PCDH9: variants seen among roughly 807,000 people sequenced by gnomAD.
PCDH9 encodes the protein protocadherin-9.
In PCDH9, 24 loss-of-function variants were observed where a neutral mutation model predicts 70.6. The observed-to-expected ratio is 0.34, with a 90% CI of 0.25 to 0.48. The LOEUF (loss-of-function observed/expected upper bound fraction) is 0.48, where lower values mean the gene tolerates loss of function less well. Among genes scored for constraint, PCDH9 ranks in the 20% least tolerant of loss-of-function variants. The pLI is 0.99. For synonymous variants in PCDH9, 562 were observed against 558.5 expected, an observed-to-expected ratio of 1.01 and a Z score of -0.09; for missense variants, 1,281 against 1,503.6, an observed-to-expected ratio of 0.85 and a Z score of 2.45.
intron 2 of PCDH9, among the ~76,000 whole-genome samples, chr13:67,032,983 CCT>C (rs1491553629): frequency 7.3e-6 from 1 of 136,244 alleles, no homozygotes; most frequent in Non-Finnish European, 1.6e-5. Context: ...TCTAATTTGT[CCT>C]TTTTTTTTTC....
chr13:67,093,076 C>T (rs117572812), intron 2 of PCDH9, among the ~76,000 whole-genome samples: 2,685 of 152,134 alleles, frequency 0.018, 56 homozygotes, highest in Middle Eastern at 0.061. Flanking sequence ...CACTTGTTGC[C>T]GTCTGAAACT....
intron 3 of PCDH9, among the ~76,000 whole-genome samples, chr13:66,853,813 AAT>A (rs1412898502): frequency 2.0e-5 from 3 of 152,018 alleles, no homozygotes; most frequent in Non-Finnish European, 4.4e-5. Flanking sequence ...GGGCTCAAGC[AAT>A]CAACATGCCT....
At chr13:66,913,772 T>A (rs1240941306) in intron 2 of PCDH9, among the ~76,000 whole-genome samples, 1 of 152,072 alleles carries the variant, frequency 6.6e-6, no homozygotes, top group Non-Finnish European at 1.5e-5. Flanking sequence ...TTAAAGGGAC[T>A]GTAGGAAAGA....
chr13:66,500,990 C>A (rs1032197476), intron 4 of PCDH9, among the ~76,000 whole-genome samples: 1 of 152,060 alleles, frequency 6.6e-6, no homozygotes, highest in East Asian at 1.9e-4. Context: ...ATGATTCACA[C>A]ATCCAAGAAC....
At chr13:66,571,603 C>T (rs572707916) in intron 4 of PCDH9, among the ~76,000 whole-genome samples, 1 of 151,960 alleles carries the variant, frequency 6.6e-6, no homozygotes, top group Non-Finnish European at 1.5e-5. Context: ...CTACCATCCT[C>T]ATTATCGCTT....
intron 4 of PCDH9, among the ~76,000 whole-genome samples, chr13:66,379,562 A>G (rs1956806832): frequency 1.3e-5 from 2 of 152,196 alleles, no homozygotes; most frequent in Non-Finnish European, 2.9e-5. Flanking sequence ...TGCATAAATA[A>G]ATGAAACAAA....
At chr13:66,758,511 A>C (rs1236663432) in intron 3 of PCDH9, among the ~76,000 whole-genome samples, 1 of 152,082 alleles carries the variant, frequency 6.6e-6, no homozygotes, top group Non-Finnish European at 1.5e-5. Context: ...TGTAATGAAT[A>C]GAACATTCCT....
chr13:66,445,484 AAATATATACACATATAT>A (rs1333429982), intron 4 of PCDH9, among the ~76,000 whole-genome samples: 2 of 140,222 alleles, frequency 1.4e-5, no homozygotes, highest in African/African-American at 2.8e-5. Flanking sequence ...TATACACATA[AAATATATACACATATAT>A]AATATATACA....
chr13:67,153,573 G>A lies in PCDH9; in HGVS notation c.3036+71832C>T, dbSNP rs139680937. ...GATTATGAGCCTCTCACCTAGAAAC[G>A]TCTGTTTCATAACATCTATGGATGT... On this transcript the variant is annotated intron_variant, in intron 2 of 4. Transcript: ENST00000377865. 6.2e-3 allele frequency among the ~76,000 whole-genome samples: 938 copies of A among 152,228 alleles called. 3 individuals are homozygous for A. The highest frequency in any genetic ancestry group is 6.3e-3 in the Non-Finnish European group (430 of 68,018).
At chr13:66,375,956 A>C (rs907247198) in intron 4 of PCDH9, among the ~76,000 whole-genome samples, 1 of 152,130 alleles carries the variant, frequency 6.6e-6, no homozygotes, top group African/African-American at 2.4e-5. Context: ...TCTAATAAGA[A>C]ACAGATGTTC....
At chr13:67,039,024 T>C (rs1449883119) in intron 2 of PCDH9, among the ~76,000 whole-genome samples, 1 of 152,180 alleles carries the variant, frequency 6.6e-6, no homozygotes, top group Non-Finnish European at 1.5e-5. Flanking sequence ...ATTAATTATA[T>C]ATTATGCCTA....
chr13:66,887,893 C>G (rs553697490), intron 3 of PCDH9, among the ~76,000 whole-genome samples: 82 of 152,208 alleles, frequency 5.4e-4, no homozygotes, highest in African/African-American at 2.0e-3. Context: ...ACCTAAAAGT[C>G]ATAATATTGC....
intron 3 of PCDH9, among the ~76,000 whole-genome samples, chr13:66,710,504 A>G (rs1385538484): frequency 6.6e-6 from 1 of 152,192 alleles, no homozygotes; most frequent in Non-Finnish European, 1.5e-5. Context: ...CACCTAAAGC[A>G]TATTCTGTTC....
chr13:66,577,911 T>A (rs529208604), intron 4 of PCDH9, among the ~76,000 whole-genome samples: 227 of 152,174 alleles, frequency 1.5e-3, no homozygotes, highest in Non-Finnish European at 2.6e-3. Context: ...CAGAGATTTA[T>A]TATTTCTTAA....
rs182203443 is a variant in PCDH9 at position 66,798,959 on chromosome 13, G to A, written c.3138+104545C>T. 5.7e-4 allele frequency among the ~76,000 whole-genome samples: 86 copies of A among 151,952 alleles called. 1 individual carries two copies. Among genetic ancestry groups the A allele is most frequent in the Admixed American group, 5.0e-3 (76 of 15,262 alleles). ...CATCCTGAGTAGCTGAGATTACAGC[G>A]CGTGCCACCAGGTCCAGTTAATTTT... On this transcript the variant is annotated intron_variant, in intron 3 of 4. Transcript: ENST00000377865.
chr13:66,513,719 T>TAA (rs879773251), intron 4 of PCDH9, among the ~76,000 whole-genome samples: 2 of 136,108 alleles, frequency 1.5e-5, no homozygotes, highest in Non-Finnish European at 3.2e-5. Flanking sequence ...CTTTCTTAAG[T>TAA]AAAAAAAAAA....
At chr13:66,873,808 C>T (rs772237701) in intron 3 of PCDH9, among the ~76,000 whole-genome samples, 9 of 151,850 alleles carry the variant, frequency 5.9e-5, no homozygotes, top group Non-Finnish European at 7.4e-5. Flanking sequence ...TCTAGATATG[C>T]GTCATTGAAA....
intron 3 of PCDH9, among the ~76,000 whole-genome samples, chr13:66,756,148 A>G (rs1262469462): frequency 1.3e-5 from 2 of 152,196 alleles, no homozygotes; most frequent in Non-Finnish European, 2.9e-5. Context: ...TTAAGTACCT[A>G]TTGTGAGCAA....
At chr13:66,901,404 C>T (rs1011829799) in intron 3 of PCDH9, among the ~76,000 whole-genome samples, 7 of 151,580 alleles carry the variant, frequency 4.6e-5, no homozygotes, top group African/African-American at 1.7e-4. Flanking sequence ...TTGTCAATAT[C>T]GTCATCATTA....
Sources: allele counts gnomAD v4.1 joint callset (sites outside exome capture counted in the v4.1 genomes callset), GRCh38; gene constraint gnomAD v4.1.1; transcripts MANE v1.5; gene names NCBI Gene and HGNC (gene_info 2026-07-23, HGNC 2026-07-21).